GDPD4: variants seen among roughly 807,000 people sequenced by gnomAD.
GDPD4 encodes the protein glycerophosphodiester phosphodiesterase domain containing 4, also known as glycerophosphodiester phosphodiesterase 6.
A neutral mutation model predicts 67.8 loss-of-function variants in GDPD4; 60 were observed. That is an observed-to-expected ratio of 0.88 (90% CI 0.72 to 1.10). GDPD4 has a LOEUF of 1.10. GDPD4 is among the 50% of genes least tolerant of loss of function. The pLI, the probability that GDPD4 is intolerant of heterozygous loss-of-function variation, is 0.00. For missense variants in GDPD4, 623 were observed against 613.9 expected, an observed-to-expected ratio of 1.01 and a Z score of -0.16; for synonymous variants, 212 against 210.9, an observed-to-expected ratio of 1.00 and a Z score of -0.04.
chr11:77,300,683 C>G (rs1793471), intron 1 of GDPD4, among the ~76,000 whole-genome samples: 29,195 of 152,120 alleles, frequency 0.19, 3,734 homozygotes, highest in Non-Finnish European at 0.27. Flanking sequence ...TCAAAAATCA[C>G]AATTGGTTTT....
intron 11 of GDPD4, among the ~76,000 whole-genome samples, chr11:77,253,939 T>C (rs1958954202): frequency 6.6e-6 from 1 of 152,120 alleles, no homozygotes; most frequent in African/African-American, 2.4e-5. Context: ...AACAGTTCTA[T>C]CTGCTGCTTG....
At chr11:77,229,313 T>C in intron 14 of GDPD4, 81 bp from the exon 15 acceptor site, 1 of 787,962 alleles carries the variant, frequency 1.3e-6, no homozygotes, top group Non-Finnish European at 2.1e-6. Flanking sequence ...CTTGCTCTGC[T>C]GCCAGGGCTG....
chr11:77,243,387 C>A (rs1434959817), intron 13 of GDPD4, among the ~76,000 whole-genome samples: 1 of 151,998 alleles, frequency 6.6e-6, no homozygotes, highest in African/African-American at 2.4e-5. Flanking sequence ...CAACGTCCAC[C>A]TTTTATATAA....
intron 10 of GDPD4, among the ~76,000 whole-genome samples, chr11:77,267,612 C>G (rs889013150): frequency 2.3e-4 from 35 of 152,186 alleles, no homozygotes; most frequent in African/African-American, 8.2e-4. Context: ...GACATATCTA[C>G]ACATGTATTT....
At position 77,248,370 on chromosome 11, in the gene GDPD4, T is replaced by C. The variant is rs906837896; in HGVS notation, c.865-2868A>G. ...GGCATGCACGATGACGCCCAGCTCA[T>C]TGTTGTATTTTTACTAGAGACAGGG... is the stretch of plus-strand genomic sequence containing the variant. On this transcript the variant is annotated intron_variant, in intron 11 of 16. Transcript: ENST00000315938. Among the ~76,000 whole-genome samples, 6 of 151,754 alleles carry C rather than the reference T, an allele frequency of 4.0e-5. No homozygotes were observed. In the South Asian group the frequency reaches 8.3e-4, roughly 21 times the overall value.
chr11:77,229,450 T>C (rs1958412614), intron 14 of GDPD4, among the ~76,000 whole-genome samples: 1 of 152,150 alleles, frequency 6.6e-6, no homozygotes, highest in Non-Finnish European at 1.5e-5. Flanking sequence ...CTAGAGGGAA[T>C]AGAACACTTC....
intron 16 of GDPD4, among the ~76,000 whole-genome samples, chr11:77,218,051 G>A (rs1413358907): frequency 6.7e-6 from 1 of 150,058 alleles, no homozygotes; most frequent in Admixed American, 6.6e-5. Context: ...TTTTTAACCT[G>A]AGTGTAATTC....
At chr11:77,225,357 G>A (rs926128367) in intron 16 of GDPD4, among the ~76,000 whole-genome samples, 1 of 151,072 alleles carries the variant, frequency 6.6e-6, no homozygotes, top group African/African-American at 2.4e-5. Context: ...AAACAGCTGT[G>A]TAACTGGAAT....
At chr11:77,282,321 TA>T (rs1959791300) in intron 3 of GDPD4, among the ~76,000 whole-genome samples, 1 of 151,408 alleles carries the variant, frequency 6.6e-6, no homozygotes, top group Admixed American at 6.6e-5. Context: ...AATGAAGTAA[TA>T]AAAAATACTT....
intron 10 of GDPD4, among the ~76,000 whole-genome samples, chr11:77,266,861 T>A (rs975924459): frequency 2.6e-5 from 4 of 152,136 alleles, no homozygotes; most frequent in African/African-American, 9.7e-5. Context: ...ATCACAAGAG[T>A]CAAAAAGTTA....
At chr11:77,292,821 T>C (rs1367664757) in intron 1 of GDPD4, among the ~76,000 whole-genome samples, 3 of 152,136 alleles carry the variant, frequency 2.0e-5, no homozygotes. Context: ...TGGTACAACT[T>C]CATTCCCATA....
chr11:77,251,319 T>C (rs1958893986), intron 11 of GDPD4, among the ~76,000 whole-genome samples: 1 of 152,216 alleles, frequency 6.6e-6, no homozygotes, highest in Non-Finnish European at 1.5e-5. Context: ...ATGAGTTTTA[T>C]GCTTTTCCAT....
chr11:77,226,712 C>G lies in GDPD4; in HGVS notation c.1525+1152G>C, dbSNP rs114433141. The stretch of plus-strand genomic sequence containing the variant: ...CGTCAGTTAGCTTCAGACTTTGTAA[C>G]GTAGCCAGTAGAGTGATCTTAAATT... On this transcript the variant is annotated intron_variant, in intron 16 of 16. Coordinates refer to ENST00000315938, the MANE Select transcript of GDPD4 (RefSeq NM_182833.3). Among the ~76,000 whole-genome samples, 1,465 of 152,246 alleles carry G rather than the reference C, an allele frequency of 9.6e-3. 29 individuals are homozygous for G. Among genetic ancestry groups the G allele is most frequent in the African/African-American group, 0.034 (1,396 of 41,534 alleles).
intron 16 of GDPD4, among the ~76,000 whole-genome samples, chr11:77,218,939 A>G (rs1246141118): frequency 6.6e-6 from 1 of 152,196 alleles, no homozygotes; most frequent in Non-Finnish European, 1.5e-5. Flanking sequence ...TGGTATTTCT[A>G]GTTCTAGATC....
Position 77,276,193 on chromosome 11 carries a change from T to C in GDPD4, c.175A>G (p.Arg59Gly), listed in dbSNP as rs768755749. 6.2e-7 allele frequency: 1 copy of C among 1,613,832 alleles called. No homozygotes were observed. Among genetic ancestry groups the C allele is most frequent in the Non-Finnish European group, 8.5e-7 (1 of 1,179,760 alleles). The change falls in exon 5 of 17, where the codon AGG becomes GGG. Residue 59 changes from arginine to glycine, a missense_variant. By Grantham distance (125) the Arg-to-Gly change is moderately radical. Transcript: ENST00000315938. ...LLLGFLLLWE[R>G]IELYLHLCHK... Reference sequence around the variant, plus strand: ...CACAAGTGCAGGTATAGTTCAATCCTTTCCCAAAGCAACAAAAATCCAAGT... The same window carrying C: ...CACAAGTGCAGGTATAGTTCAATCCCTTCCCAAAGCAACAAAAATCCAAGT...
chr11:77,218,061 C>T (rs1200096556), intron 16 of GDPD4, among the ~76,000 whole-genome samples: 1 of 149,812 alleles, frequency 6.7e-6, no homozygotes, highest in Non-Finnish European at 1.5e-5. Context: ...GAGTGTAATT[C>T]GATCTGGAAG....
chr11:77,292,490 G>A (rs368760637), intron 1 of GDPD4, among the ~76,000 whole-genome samples: 9 of 152,146 alleles, frequency 5.9e-5, no homozygotes, highest in Non-Finnish European at 1.0e-4. Context: ...CTAAATGCCC[G>A]TACTAGAAAA....
In GDPD4 at chr11:77,217,292, A is replaced by ATTCT. The variant is rs764871503; in HGVS notation, c.1544_1547dup (p.Asn516LysfsTer3). On this transcript the variant is annotated frameshift_variant, in exon 17 of 17. Transcript: ENST00000315938. LOFTEE classifies it low-confidence loss of function (END_TRUNC). ...ATCTATCTATCTATCTATCTTCCTC[A>ATTCT]TTCTTACTTCCACTCTGAGTATCTG... 4 of 1,608,288 alleles carry ATTCT rather than the reference A, an allele frequency of 2.5e-6. No homozygotes were observed. The South Asian group carries it at 4.4e-5, about 18-fold the overall frequency.
At chr11:77,261,773 T>C (rs1959123432) in intron 10 of GDPD4, among the ~76,000 whole-genome samples, 1 of 152,144 alleles carries the variant, frequency 6.6e-6, no homozygotes, top group Non-Finnish European at 1.5e-5. Context: ...CAACTCAGCT[T>C]TTAGTGTGTG....
Sources: gnomAD v4.1 joint callset for allele counts (sites outside exome capture counted in the v4.1 genomes callset) on GRCh38, gnomAD v4.1.1 for gene constraint, MANE v1.5 for transcripts, NCBI Gene and HGNC (gene_info 2026-07-23, HGNC 2026-07-21) for gene names.